The following PPP2R5E variants were observed in gnomAD, a reference collection of about 807,000 sequenced individuals.
PPP2R5E encodes the protein protein phosphatase 2 regulatory subunit B'epsilon, also known as serine/threonine-protein phosphatase 2A 56 kDa regulatory subunit epsilon isoform.
In PPP2R5E, 4 loss-of-function variants were observed where a neutral mutation model predicts 65.3. The ratio of observed to expected loss-of-function variants is 0.06; its 90% CI spans 0.03 to 0.14. The LOEUF (loss-of-function observed/expected upper bound fraction) is 0.14, where lower values mean the gene tolerates loss of function less well. PPP2R5E is among the 10% of genes least tolerant of loss of function. The pLI is 1.00. For missense variants in PPP2R5E, 274 were observed against 556.1 expected (o/e 0.49, Z 5.10); for synonymous variants, 183 against 187.4 (o/e 0.98, Z 0.19).
At chr14:63,427,868 C>G (rs938515180) in intron 3 of PPP2R5E, among the ~76,000 whole-genome samples, 1 of 152,144 alleles carries the variant, frequency 6.6e-6, no homozygotes, top group Non-Finnish European at 1.5e-5. Context: ...TTCAGGGTAA[C>G]AAATTACCAT....
At chr14:63,533,199 G>C (rs763072678) in intron 2 of PPP2R5E, among the ~76,000 whole-genome samples, 12 of 152,060 alleles carry the variant, frequency 7.9e-5, no homozygotes, top group Non-Finnish European at 1.8e-4. Context: ...TAAAAATCTG[G>C]TATTATATTG....
chr14:63,381,837 A>G (rs1884383282), intron 13 of PPP2R5E, among the ~76,000 whole-genome samples: 2 of 152,228 alleles, frequency 1.3e-5, no homozygotes, highest in African/African-American at 4.8e-5. Context: ...AGGCTACACC[A>G]TCTAGGTTTG....
chr14:63,484,461 C>A (rs888489156), intron 2 of PPP2R5E, among the ~76,000 whole-genome samples: 1 of 151,960 alleles, frequency 6.6e-6, no homozygotes, highest in African/African-American at 2.4e-5. Flanking sequence ...AACTTGCTCA[C>A]ATGAACACTA....
chr14:63,379,955 C>A (rs1194456488), intron 13 of PPP2R5E, among the ~76,000 whole-genome samples: 1 of 149,456 alleles, frequency 6.7e-6, no homozygotes, highest in Non-Finnish European at 1.5e-5. Flanking sequence ...CCAACTCAGT[C>A]TCCCTAGTAG....
chr14:63,387,293 C>T (rs1220327636), intron 11 of PPP2R5E, among the ~76,000 whole-genome samples: 1 of 152,158 alleles, frequency 6.6e-6, no homozygotes, highest in Non-Finnish European at 1.5e-5. Flanking sequence ...TCTTATATAT[C>T]CATTTTAATA....
intron 3 of PPP2R5E, among the ~76,000 whole-genome samples, chr14:63,424,474 G>A (rs1435579727): frequency 6.6e-6 from 1 of 152,114 alleles, no homozygotes. Context: ...AGGGTCGGCC[G>A]GGCGCGGTGG....
intron 6 of PPP2R5E, among the ~76,000 whole-genome samples, chr14:63,395,943 C>G (rs115159180): frequency 8.6e-3 from 13 of 1,518 alleles, no homozygotes; most frequent in Non-Finnish European, 0.012. Flanking sequence ...GAGAGGAGGA[C>G]AGGGAGGAGA....
At chr14:63,513,356 T>C (rs1028931156) in intron 2 of PPP2R5E, among the ~76,000 whole-genome samples, 1 of 152,160 alleles carries the variant, frequency 6.6e-6, no homozygotes, top group African/African-American at 2.4e-5. Flanking sequence ...AATGAAGAAC[T>C]TGGAAAATGA....
At chr14:63,445,610 T>C (rs1004281561) in intron 3 of PPP2R5E, among the ~76,000 whole-genome samples, 3 of 152,056 alleles carry the variant, frequency 2.0e-5, no homozygotes, top group Non-Finnish European at 2.9e-5. Context: ...TTTGGGAAGC[T>C]GAGGCGGGCA....
chr14:63,441,773 G>A (rs1254086915), intron 3 of PPP2R5E, among the ~76,000 whole-genome samples: 5 of 152,018 alleles, frequency 3.3e-5, no homozygotes, highest in Non-Finnish European at 7.4e-5. Context: ...ACTCGGGTGT[G>A]GTGGCGGGCA....
At chr14:63,420,815 G>A (rs557238975) in intron 4 of PPP2R5E, among the ~76,000 whole-genome samples, 1 of 142,168 alleles carries the variant, frequency 7.0e-6, no homozygotes, top group East Asian at 2.1e-4. Flanking sequence ...CACTTTGGGA[G>A]GCCGAGGCGG....
intron 2 of PPP2R5E, among the ~76,000 whole-genome samples, chr14:63,458,539 C>T (rs1889271044): frequency 6.6e-6 from 1 of 152,100 alleles, no homozygotes; most frequent in East Asian, 1.9e-4. Flanking sequence ...TGCAAATATG[C>T]CAGCCAAGTA....
intron 2 of PPP2R5E, among the ~76,000 whole-genome samples, chr14:63,458,824 AT>A (rs1889295534): frequency 6.6e-6 from 1 of 152,190 alleles, no homozygotes; most frequent in East Asian, 1.9e-4. Context: ...TTATATTTCC[AT>A]TCAAAAGATC....
At chr14:63,380,188 G>A (rs182922653) in intron 13 of PPP2R5E, among the ~76,000 whole-genome samples, 92 of 152,082 alleles carry the variant, frequency 6.0e-4, no homozygotes, top group South Asian at 4.2e-3. Context: ...GTTCAACTAG[G>A]ATAATAATAA....
At chr14:63,459,100 T>C (rs75920732) in intron 2 of PPP2R5E, among the ~76,000 whole-genome samples, 4,450 of 152,256 alleles carry the variant, frequency 0.029, 193 homozygotes, top group African/African-American at 0.097. Flanking sequence ...GCATAAGACA[T>C]ACGAGTCTAT....
chr14:63,474,305 C>T (rs1890284968), intron 2 of PPP2R5E, among the ~76,000 whole-genome samples: 1 of 152,110 alleles, frequency 6.6e-6, no homozygotes, highest in Non-Finnish European at 1.5e-5. Context: ...CACTTCTCCA[C>T]GTTCAGTGGG....
At chr14:63,524,125 G>A (rs1349614090) in intron 2 of PPP2R5E, among the ~76,000 whole-genome samples, 1 of 152,192 alleles carries the variant, frequency 6.6e-6, no homozygotes, top group Non-Finnish European at 1.5e-5. Flanking sequence ...TTTGCTACAT[G>A]TTCTTTTTAA....
intron 2 of PPP2R5E, among the ~76,000 whole-genome samples, chr14:63,483,415 T>C (rs1347066709): frequency 2.9e-5 from 4 of 137,376 alleles, no homozygotes; most frequent in Admixed American, 6.8e-5. Flanking sequence ...GAGCCAACTC[T>C]TGAGAGAGCA....
At chr14:63,425,374 C>G (rs1887275594) in intron 3 of PPP2R5E, among the ~76,000 whole-genome samples, 2 of 152,338 alleles carry the variant, frequency 1.3e-5, no homozygotes, top group Admixed American at 1.3e-4. Context: ...TTTAATTACT[C>G]AACTTTGAAT....
Sources: allele counts gnomAD v4.1 joint callset (sites outside exome capture counted in the v4.1 genomes callset), GRCh38; gene constraint gnomAD v4.1.1; transcripts MANE v1.5; gene names NCBI Gene and HGNC (gene_info 2026-07-23, HGNC 2026-07-21).